The following FNTB variants were observed in gnomAD, a reference collection of about 807,000 sequenced individuals.
FNTB encodes farnesyltransferase, CAAX box, subunit beta, also known as protein farnesyltransferase subunit beta.
Under a neutral mutation model 59.4 loss-of-function variants are expected in FNTB, and 27 were observed. The ratio of observed to expected loss-of-function variants is 0.45; its 90% CI spans 0.34 to 0.63. The LOEUF (loss-of-function observed/expected upper bound fraction) is 0.63. FNTB is among the 20% of genes least tolerant of loss of function. The pLI is 0.02. For synonymous variants in FNTB, 230 were observed against 220.7 expected, an observed-to-expected ratio of 1.04 and a Z score of -0.37; for missense variants, 449 against 559.6, an observed-to-expected ratio of 0.80 and a Z score of 1.99.
intron 2 of FNTB, among the ~76,000 whole-genome samples, chr14:65,005,523 TTCTCTTTCTC>T (rs2061573364): frequency 1.4e-5 from 1 of 72,824 alleles, no homozygotes; most frequent in African/African-American, 5.9e-5. Flanking sequence ...CTCTCTCTCT[TTCTCTTTCTC>T]TTTCTTTCTC....
chr14:65,036,605 G>C (rs769348537), intron 7 of FNTB, among the ~76,000 whole-genome samples: 11 of 152,210 alleles, frequency 7.2e-5, no homozygotes, highest in Non-Finnish European at 1.5e-4. Flanking sequence ...CTACCTGGCA[G>C]TGCCATTGTG....
At position 65,032,491 on chromosome 14, in the gene FNTB, G is replaced by A. The variant is rs1460545070; in HGVS notation, c.606-119G>A. The A allele has an allele frequency of 3.9e-6, 4 of 1,029,568 alleles. No homozygotes were observed. Among genetic ancestry groups the A allele is most frequent in the Middle Eastern group, 2.7e-4 (1 of 3,762 alleles). The allele number at this position is 1,029,568 out of a possible 1,614,324, so 63.8% of individuals were successfully genotyped here. A position where few individuals can be genotyped will look rare whatever the true frequency, so the allele number is the denominator to read the frequency against. ...CAGGAGGACTGACCGTGTGCCAAGA[G>A]TGAGGACAGGAGGTGATTACAGCTT... On this transcript the variant is annotated intron_variant, in intron 6 of 11. Transcript: ENST00000246166. This position sits in a 1 kb window ranked among gnomAD's most constrained non-coding sequence, Gnocchi z 5.0.
Position 65,012,573 on chromosome 14 carries a change from T to A in FNTB, c.282+184T>A, listed in dbSNP as rs898194858. ...GACTCAGCCCTGAAAGGGCAGAACC[T>A]AGTCTCTTCCAGAGTGAGTGGAGCA... On this transcript the variant is annotated intron_variant, in intron 3 of 11. Coordinates refer to ENST00000246166, the MANE Select transcript of FNTB (RefSeq NM_002028.4). This position sits in a 1 kb window ranked among gnomAD's most constrained non-coding sequence, Gnocchi z 5.0. Among the ~76,000 whole-genome samples the A allele has an allele frequency of 6.6e-6, 1 of 152,232 alleles. No individual in the cohort carries two copies. Among genetic ancestry groups the A allele is most frequent in the East Asian group, 1.9e-4 (1 of 5,192 alleles).
chr14:65,001,395 T>C lies in FNTB; in HGVS notation c.145-2854T>C, dbSNP rs1341280265. ...GTACAGGTCTGTGGCCCAGGAGCAG[T>C]AGGCCACACTATACAGCCTATGCGT... On this transcript the variant is annotated intron_variant, in intron 1 of 11. Coordinates refer to ENST00000246166, the MANE Select transcript of FNTB (RefSeq NM_002028.4). The surrounding 1 kb of genome is among the most constrained non-coding windows in gnomAD (Gnocchi z 5.5). Among the ~76,000 whole-genome samples the C allele has an allele frequency of 2.0e-5, 3 of 152,152 alleles. No individual in the cohort carries two copies. The highest frequency in any genetic ancestry group is 4.4e-5 in the Non-Finnish European group (3 of 68,026).
At chr14:65,035,284 G>C (rs11850984) in intron 7 of FNTB, among the ~76,000 whole-genome samples, 24,734 of 152,104 alleles carry the variant, frequency 0.16, 3,254 homozygotes, top group African/African-American at 0.35. Flanking sequence ...GGGGAAGGGA[G>C]GGACTAACTG....
At chr14:65,056,383 T>C (rs1419249894) in intron 11 of FNTB, among the ~76,000 whole-genome samples, 1 of 152,188 alleles carries the variant, frequency 6.6e-6, no homozygotes, top group Non-Finnish European at 1.5e-5. Flanking sequence ...TGGGTTCACA[T>C]GTTAGAATGT....
rs538219974 is a variant in FNTB at position 65,011,034 on chromosome 14, C to T, written c.210-1283C>T. Among the ~76,000 whole-genome samples the T allele has an allele frequency of 4.1e-4, 63 of 152,308 alleles. No individual in the cohort carries two copies. Among genetic ancestry groups the T allele is most frequent in the African/African-American group, 1.5e-3 (61 of 41,562 alleles). The stretch of plus-strand genomic sequence containing the variant: ...CATGAGATATCCCCTCCCTTTTGAG[C>T]CTCAGTAGTATGTTTTTCCCTTGCA... On this transcript the variant is annotated intron_variant, in intron 2 of 11. Transcript: ENST00000246166. The surrounding 1 kb of genome is among the most constrained non-coding windows in gnomAD (Gnocchi z 4.0).
At chr14:65,045,677 A>G (rs1421269616) in intron 9 of FNTB, among the ~76,000 whole-genome samples, 7 of 152,068 alleles carry the variant, frequency 4.6e-5, no homozygotes, top group Admixed American at 1.3e-4. Context: ...CGGCCTCCCA[A>G]AGTGCTGGGA....
In FNTB at chr14:65,061,988, TG is replaced by T. The variant is rs2062873429; in HGVS notation, c.*677del. 6.6e-6 allele frequency: 1 copy of T among 152,544 alleles called. No homozygotes were observed. 9.4% of individuals were successfully genotyped at this position (152,544 alleles called of 1,614,324 possible). The stretch of plus-strand genomic sequence containing the variant: ...AGGCAAGACTTGCTTCAGCCCCAGG[TG>T]TGGTGACTTAGACCTAGGAAACCAA... On this transcript the variant is annotated 3_prime_UTR_variant, in exon 12 of 12. Coordinates refer to ENST00000246166, the MANE Select transcript of FNTB (RefSeq NM_002028.4).
intron 8 of FNTB, among the ~76,000 whole-genome samples, chr14:65,043,860 A>G (rs1007800162): frequency 2.8e-5 from 4 of 141,186 alleles, no homozygotes; most frequent in African/African-American, 8.0e-5. Flanking sequence ...AAAAAAAAAA[A>G]GAAATGTAGT....
chr14:65,009,981 C>G lies in FNTB; in HGVS notation c.210-2336C>G. On this transcript the variant is annotated intron_variant, in intron 2 of 11. Transcript: ENST00000246166. This position sits in a 1 kb window ranked among gnomAD's most constrained non-coding sequence, Gnocchi z 4.2. ...CACTCTGCCCACACAGATGGGTGCT[C>G]CCTGCGTCCTGAGTGGACTTTCCTG... Among the ~76,000 whole-genome samples, 1 of 152,256 alleles carries G rather than the reference C, an allele frequency of 6.6e-6. No individual in the cohort carries two copies. Among genetic ancestry groups the G allele is most frequent in the Middle Eastern group, 3.4e-3 (1 of 294 alleles).
chr14:65,052,807 C>T (rs186599161), intron 9 of FNTB, among the ~76,000 whole-genome samples: 1 of 152,172 alleles, frequency 6.6e-6, no homozygotes, highest in Non-Finnish European at 1.5e-5. Context: ...ATTAAGAGTT[C>T]TCTGAGCTAA....
In FNTB at chr14:65,011,706, C is replaced by T. The variant is rs1004771532; in HGVS notation, c.210-611C>T. 1.4e-4 allele frequency among the ~76,000 whole-genome samples: 21 copies of T among 152,336 alleles called. No individual in the cohort carries two copies. Among genetic ancestry groups the T allele is most frequent in the Admixed American group, 3.9e-4 (6 of 15,302 alleles). ...GGTGGCCATGGGCGGCACATTCCAT[C>T]TTAAAGCCAGTATTGCTGACTTGAA... On this transcript the variant is annotated intron_variant, in intron 2 of 11. Transcript: ENST00000246166. This position sits in a 1 kb window ranked among gnomAD's most constrained non-coding sequence, Gnocchi z 4.0.
intron 1 of FNTB, chr14:65,003,242 G>A (rs2061539594): frequency 6.6e-6 from 1 of 152,112 alleles, no homozygotes; most frequent in Non-Finnish European, 1.5e-5. Context: ...TTGTTTTGGT[G>A]TTTCAACAAT....
chr14:65,051,322 A>G (rs1212609189), intron 9 of FNTB, among the ~76,000 whole-genome samples: 1 of 152,244 alleles, frequency 6.6e-6, no homozygotes, highest in East Asian at 1.9e-4. Flanking sequence ...AATATTCAAC[A>G]ATTTAGGCTG....
intron 3 of FNTB, among the ~76,000 whole-genome samples, chr14:65,013,838 G>A (rs2061724737): frequency 6.6e-6 from 1 of 152,226 alleles, no homozygotes; most frequent in Non-Finnish European, 1.5e-5. Context: ...GTGAGCTACT[G>A]CGCCCAGTTG....
At chr14:65,059,610 T>A (rs1390485980) in intron 11 of FNTB, among the ~76,000 whole-genome samples, 5 of 152,086 alleles carry the variant, frequency 3.3e-5, no homozygotes, top group East Asian at 1.9e-4. Context: ...TCTCTCAAAA[T>A]TTTTAAAATC....
At chr14:65,015,410 CTTTTTTTTT>C (rs888923691) in intron 3 of FNTB, 99 of 155,746 alleles carry the variant, frequency 6.4e-4, no homozygotes, top group African/African-American at 2.7e-3. Flanking sequence ...GCCTTGTTAT[CTTTTTTTTT>C]TTTTTTTTTT....
At chr14:65,013,167 A>G (rs2061710211) in intron 3 of FNTB, among the ~76,000 whole-genome samples, 1 of 152,106 alleles carries the variant, frequency 6.6e-6, no homozygotes, top group South Asian at 2.1e-4. Context: ...TGATTTGCCA[A>G]CTCAAATGCC....
Sources: gnomAD v4.1 joint callset for allele counts (sites outside exome capture counted in the v4.1 genomes callset) on GRCh38, gnomAD v4.1.1 for gene constraint, Gnocchi (gnomAD v3.1) non-coding constraint, MANE v1.5 for transcripts, NCBI Gene and HGNC (gene_info 2026-07-23, HGNC 2026-07-21) for gene names.